TNRC6A: variants seen among roughly 807,000 people sequenced by gnomAD.
TNRC6A encodes the protein trinucleotide repeat-containing gene 6A protein.
A neutral mutation model predicts 221.2 loss-of-function variants in TNRC6A; 44 were observed. That is an observed-to-expected ratio of 0.20 (90% CI 0.16 to 0.26). The LOEUF is 0.26. Among genes scored for constraint, TNRC6A ranks in the 10% least tolerant of loss-of-function variants. TNRC6A has a pLI of 1.00. For synonymous variants in TNRC6A, 847 were observed against 838.5 expected (o/e 1.01, Z -0.18); for missense variants, 2,199 against 2,404.4 (o/e 0.91, Z 1.79).
chr16:24,688,140 C>T (rs951199995), intron 2 of TNRC6A, among the ~76,000 whole-genome samples: 1 of 151,334 alleles, frequency 6.6e-6, no homozygotes, highest in South Asian at 2.1e-4. Context: ...GGGGTTTTAC[C>T]ATGTTAGCCG....
At chr16:24,807,781 T>A (rs2058465465) in intron 17 of TNRC6A, among the ~76,000 whole-genome samples, 1 of 152,144 alleles carries the variant, frequency 6.6e-6, no homozygotes, top group South Asian at 2.1e-4. Context: ...TCATGCCCTG[T>A]TTATTTTGCT....
intron 2 of TNRC6A, among the ~76,000 whole-genome samples, chr16:24,654,474 G>A (rs1357626494): frequency 2.6e-5 from 4 of 152,128 alleles, no homozygotes; most frequent in South Asian, 2.1e-4. Flanking sequence ...GGAAGCCAAG[G>A]CGGGCGGATC....
intron 2 of TNRC6A, among the ~76,000 whole-genome samples, chr16:24,735,245 C>CAA (rs2056738187): frequency 1.3e-5 from 2 of 152,156 alleles, no homozygotes; most frequent in Admixed American, 6.5e-5. Context: ...TGCCACTGCG[C>CAA]TCCAGCCTGG....
chr16:24,812,174 T>C (rs2058560307), intron 18 of TNRC6A, among the ~76,000 whole-genome samples: 1 of 151,548 alleles, frequency 6.6e-6, no homozygotes, highest in Non-Finnish European at 1.5e-5. Flanking sequence ...CTCAGCCTCC[T>C]GAGTATAGCT....
intron 5 of TNRC6A, among the ~76,000 whole-genome samples, chr16:24,785,298 ACT>A (rs1237884472): frequency 1.3e-5 from 2 of 152,122 alleles, no homozygotes; most frequent in Non-Finnish European, 2.9e-5. Flanking sequence ...CATTTTGCAG[ACT>A]CTTGTTAACA....
intron 18 of TNRC6A, among the ~76,000 whole-genome samples, chr16:24,814,711 C>G (rs1323289753): frequency 6.6e-6 from 1 of 152,066 alleles, no homozygotes; most frequent in Non-Finnish European, 1.5e-5. Flanking sequence ...CCACGCCTGG[C>G]CCCATCCTTT....
At position 24,750,853 on chromosome 16, in the gene TNRC6A, CAT is replaced by C. The variant is rs774544442; in HGVS notation, c.141+42_141+43del. 30 of 1,391,730 alleles carry C rather than the reference CAT, an allele frequency of 2.2e-5. No homozygotes were observed. In the African/African-American group the frequency reaches 3.2e-4, roughly 15 times the overall value. The allele number at this position is 1,391,730 out of a possible 1,614,324, so 86.2% of individuals were successfully genotyped here. On this transcript the variant is annotated intron_variant, in intron 3 of 24. Coordinates refer to ENST00000395799, the MANE Select transcript of TNRC6A (RefSeq NM_014494.4). ...AACTATTTATATTAAGCAGTTTAAA[CAT>C]AGAATTAAAAAAAAATTACTCTTAC...
intron 5 of TNRC6A, among the ~76,000 whole-genome samples, chr16:24,786,233 TAATG>T (rs1158016274): frequency 2.6e-5 from 4 of 152,308 alleles, no homozygotes; most frequent in Admixed American, 2.6e-4. Flanking sequence ...TCAATGATAA[TAATG>T]GCCCTCATTT....
At chr16:24,699,721 C>G (rs1357258950) in intron 2 of TNRC6A, among the ~76,000 whole-genome samples, 1 of 117,566 alleles carries the variant, frequency 8.5e-6, no homozygotes, top group African/African-American at 3.1e-5. Flanking sequence ...CCTGTCTCTA[C>G]CAAAAAAAAA....
At chr16:24,695,184 A>T (rs1414135824) in intron 2 of TNRC6A, among the ~76,000 whole-genome samples, 1 of 152,142 alleles carries the variant, frequency 6.6e-6, no homozygotes, top group Non-Finnish European at 1.5e-5. Context: ...CTAGCTGAAG[A>T]AAACGAAACT....
At chr16:24,756,640 C>A (rs2057257785) in intron 3 of TNRC6A, among the ~76,000 whole-genome samples, 1 of 152,096 alleles carries the variant, frequency 6.6e-6, no homozygotes, top group Admixed American at 6.6e-5. Context: ...CCTAAAAGAG[C>A]AACATGGTAT....
intron 19 of TNRC6A, chr16:24,816,495 G>GT (rs1368405988): frequency 4.7e-6 from 1 of 212,634 alleles, no homozygotes; most frequent in African/African-American, 2.3e-5. Context: ...GATAGAGAAA[G>GT]ACCCTGTCTC....
chr16:24,655,965 C>A (rs1163056672), intron 2 of TNRC6A, among the ~76,000 whole-genome samples: 2 of 150,922 alleles, frequency 1.3e-5, no homozygotes, highest in African/African-American at 4.9e-5. Context: ...CCTACGGAGA[C>A]CCTTGTCTTT....
intron 9 of TNRC6A, chr16:24,796,330 T>C: frequency 5.6e-6 from 1 of 177,416 alleles, no homozygotes; most frequent in Non-Finnish European, 1.2e-5. Flanking sequence ...ACCAACGAAA[T>C]TGAGTAGAAA....
chr16:24,817,010 T>C, intron 20 of TNRC6A, 54 bp downstream of exon 20: 4 of 1,561,978 alleles, frequency 2.6e-6, no homozygotes, highest in Non-Finnish European at 3.5e-6. Context: ...AGTTTAAGAA[T>C]GGCTCATGTA....
chr16:24,662,626 G>A (rs1200138767), intron 2 of TNRC6A: 1 of 152,994 alleles, frequency 6.5e-6, no homozygotes, highest in East Asian at 1.9e-4. Context: ...GGAAATGGTT[G>A]AGAAAATTAC....
chr16:24,775,267 A>G (rs370216777), intron 4 of TNRC6A, among the ~76,000 whole-genome samples: 11 of 152,208 alleles, frequency 7.2e-5, no homozygotes, highest in East Asian at 3.9e-4. Context: ...ATTATCAGTA[A>G]GAGACTCATC....
At chr16:24,727,307 GC>G (rs1448635235), upstream of TNRC6A, among the ~76,000 whole-genome samples, 21 of 152,278 alleles carry the variant, frequency 1.4e-4, no homozygotes, top group Admixed American at 5.2e-4. Context: ...GGGATTACAG[GC>G]ATGAGCCACC....
At chr16:24,729,400 A>C (rs1305947602), upstream of TNRC6A, among the ~76,000 whole-genome samples, 6 of 109,848 alleles carry the variant, frequency 5.5e-5, no homozygotes, top group East Asian at 7.5e-4. Context: ...GAGGGGAGGG[A>C]CTCCCCTCCT....
Sources: allele counts gnomAD v4.1 joint callset (sites outside exome capture counted in the v4.1 genomes callset), GRCh38; gene constraint gnomAD v4.1.1; transcripts MANE v1.5; gene names NCBI Gene and HGNC (gene_info 2026-07-23, HGNC 2026-07-21).